Variants in RNF150 observed in about 807,000 individuals in gnomAD.
RNF150 encodes ring finger protein 150.
A neutral mutation model predicts 39.3 loss-of-function variants in RNF150; 24 were observed. The ratio of observed to expected loss-of-function variants is 0.61; its 90% confidence interval spans 0.44 to 0.86. RNF150 has a LOEUF of 0.86. RNF150 is among the 40% of genes least tolerant of loss of function. The pLI, the probability that RNF150 is intolerant of heterozygous loss-of-function variation, is 0.00. For synonymous variants in RNF150, 255 were observed against 227.3 expected (o/e 1.12, Z -1.10); for missense variants, 502 against 587.8 (o/e 0.85, Z 1.51).
intron 1 of RNF150, among the ~76,000 whole-genome samples, chr4:141,051,718 C>T (rs983233243): frequency 3.3e-5 from 5 of 152,148 alleles, no homozygotes; most frequent in African/African-American, 7.2e-5. Context: ...TGGTCAAAGC[C>T]ATTCAACAGG....
chr4:140,921,736 C>T lies in RNF150; in HGVS notation c.987+4241G>A, dbSNP rs190293811. On this transcript the variant is annotated intron_variant, in intron 5 of 6. Transcript: ENST00000515673. ...AAACCTCAATAAAATACTGGCAAAC[C>T]GAATCCAGCAGCACATCAAAAAGCT... Among the ~76,000 whole-genome samples, 443 of 152,150 alleles carry T rather than the reference C, an allele frequency of 2.9e-3. 4 individuals carry two copies. The highest frequency in any genetic ancestry group is 0.01 in the African/African-American group (418 of 41,518).
chr4:141,102,631 A>G (rs758941349), intron 1 of RNF150, among the ~76,000 whole-genome samples: 2 of 152,178 alleles, frequency 1.3e-5, no homozygotes, highest in African/African-American at 2.4e-5. Context: ...CCCTTGCTCA[A>G]TCAGGCATCA....
At chr4:140,923,833 A>C (rs1316021061) in intron 5 of RNF150, among the ~76,000 whole-genome samples, 1 of 152,210 alleles carries the variant, frequency 6.6e-6, no homozygotes, top group Non-Finnish European at 1.5e-5. Context: ...GACATGGATG[A>C]AGCTAGAAAC....
chr4:141,175,575 C>T (rs1421853470), intron 1 of RNF150, among the ~76,000 whole-genome samples: 1 of 152,110 alleles, frequency 6.6e-6, no homozygotes, highest in Non-Finnish European at 1.5e-5. Flanking sequence ...TCTAAGAGGG[C>T]CTAACATATT....
intron 1 of RNF150, among the ~76,000 whole-genome samples, chr4:141,099,693 G>A (rs1399253339): frequency 6.6e-6 from 1 of 152,070 alleles, no homozygotes; most frequent in Non-Finnish European, 1.5e-5. Flanking sequence ...ATAAATGAGA[G>A]ATTAGAGATG....
intron 1 of RNF150, among the ~76,000 whole-genome samples, chr4:141,173,416 T>C (rs1727762211): frequency 6.6e-6 from 1 of 152,232 alleles, no homozygotes; most frequent in Admixed American, 6.5e-5. Flanking sequence ...TGTACTTCAC[T>C]AACATTATTT....
At chr4:141,168,367 A>G (rs1727637893) in intron 1 of RNF150, among the ~76,000 whole-genome samples, 1 of 152,208 alleles carries the variant, frequency 6.6e-6, no homozygotes, top group Admixed American at 6.5e-5. Flanking sequence ...TTAGTCAACC[A>G]TTGTGGAAGA....
At chr4:140,983,331 T>C (rs969271678) in intron 1 of RNF150, among the ~76,000 whole-genome samples, 1 of 152,170 alleles carries the variant, frequency 6.6e-6, no homozygotes, top group Non-Finnish European at 1.5e-5. Context: ...TCTAACACTA[T>C]ACTCTTCCAT....
At chr4:140,893,955 G>C (rs1267600795) in intron 6 of RNF150, among the ~76,000 whole-genome samples, 1 of 152,116 alleles carries the variant, frequency 6.6e-6, no homozygotes, top group African/African-American at 2.4e-5. Context: ...CCCTAAACAA[G>C]TCCATAGGGA....
intron 1 of RNF150, among the ~76,000 whole-genome samples, chr4:141,186,800 A>T (rs1282495075): frequency 6.6e-6 from 1 of 152,086 alleles, no homozygotes; most frequent in Non-Finnish European, 1.5e-5. Flanking sequence ...TTCAAAAAAA[A>T]CCAGCTCCTG....
intron 1 of RNF150, among the ~76,000 whole-genome samples, chr4:141,086,512 T>C (rs147163328): frequency 1.7e-3 from 255 of 152,234 alleles, no homozygotes; most frequent in African/African-American, 5.9e-3. Context: ...GTAGAGGGTA[T>C]GTACAAAAGC....
intron 1 of RNF150, among the ~76,000 whole-genome samples, chr4:141,026,999 C>T (rs567860393): frequency 3.3e-5 from 5 of 152,308 alleles, no homozygotes; most frequent in South Asian, 2.1e-4. Context: ...GGCTGCCACT[C>T]GCTAAACCAG....
intron 1 of RNF150, among the ~76,000 whole-genome samples, chr4:141,121,849 C>T (rs1477237757): frequency 6.6e-6 from 1 of 152,138 alleles, no homozygotes; most frequent in African/African-American, 2.4e-5. Context: ...TAAAGAACCA[C>T]GTGGTATAAG....
At position 140,970,608 on chromosome 4, in the gene RNF150, A is replaced by G. The variant is rs151236593; in HGVS notation, c.485-2735T>C. Among the ~76,000 whole-genome samples, 213 of 111,936 alleles carry G rather than the reference A, an allele frequency of 1.9e-3. 2 individuals carry two copies. The East Asian group carries it at 0.077, about 41-fold the overall frequency. 73.4% of individuals were successfully genotyped at this position (111,936 alleles called of 152,430 possible). On this transcript the variant is annotated intron_variant, in intron 1 of 6. Transcript: ENST00000515673. ...ATAGGCAACCAAATTTTGGATCTCC[A>G]CAAGGCTTTAAATACTCATCATCCA... is the stretch of plus-strand genomic sequence containing the variant.
intron 1 of RNF150, among the ~76,000 whole-genome samples, chr4:141,057,196 T>TA (rs1737012192): frequency 2.0e-5 from 3 of 152,092 alleles, no homozygotes; most frequent in Admixed American, 2.0e-4. Context: ...AAACAGTGCC[T>TA]TGCATATGGC....
At chr4:141,059,262 C>T (rs921902851) in intron 1 of RNF150, among the ~76,000 whole-genome samples, 1 of 152,120 alleles carries the variant, frequency 6.6e-6, no homozygotes, top group African/African-American at 2.4e-5. Flanking sequence ...TTAGTCGAAT[C>T]GCTATGTCTG....
chr4:140,983,501 G>A (rs1733925937), intron 1 of RNF150, among the ~76,000 whole-genome samples: 1 of 152,008 alleles, frequency 6.6e-6, no homozygotes, highest in Non-Finnish European at 1.5e-5. Flanking sequence ...ATACCATAGA[G>A]CAAAGAATAA....
chr4:140,979,418 C>G (rs1055438755), intron 1 of RNF150, among the ~76,000 whole-genome samples: 2 of 152,008 alleles, frequency 1.3e-5, no homozygotes, highest in Non-Finnish European at 2.9e-5. Context: ...CTTGAAGCTT[C>G]AGGTTCATTA....
chr4:140,996,645 T>C (rs567063244), intron 1 of RNF150, among the ~76,000 whole-genome samples: 1 of 152,322 alleles, frequency 6.6e-6, no homozygotes, highest in Non-Finnish European at 1.5e-5. Flanking sequence ...GTTACGAAAA[T>C]TATCTGTTAC....
Sources: allele counts gnomAD v4.1 joint callset (sites outside exome capture counted in the v4.1 genomes callset), GRCh38; gene constraint gnomAD v4.1.1; transcripts MANE v1.5; gene names NCBI Gene and HGNC (gene_info 2026-07-23, HGNC 2026-07-21).